The following MYBBP1A variants were observed in gnomAD, a reference collection of about 807,000 sequenced individuals.
MYBBP1A encodes the protein MYB binding protein 1a, also known as myb-binding protein 1A.
In MYBBP1A, 147 loss-of-function variants were observed where a neutral mutation model predicts 136.3. That is an observed-to-expected ratio of 1.08 (90% confidence interval 0.94 to 1.24). The LOEUF (loss-of-function observed/expected upper bound fraction) is 1.24, where lower values mean the gene tolerates loss of function less well. Among genes scored for constraint, MYBBP1A ranks in the 50% most tolerant of loss-of-function variants. The pLI, the probability that MYBBP1A is intolerant of heterozygous loss-of-function variation, is 0.00. For synonymous variants in MYBBP1A, 947 were observed against 735.8 expected (o/e 1.29, Z -4.65); for missense variants, 2,060 against 1,727.4 (o/e 1.19, Z -3.41).
chr17:4,541,828 C>T lies in MYBBP1A; in HGVS notation c.3151G>A (p.Glu1051Lys), dbSNP rs755487165. The change falls in exon 23 of 26, where the codon GAG becomes AAG. Residue 1051 changes from glutamate (E) to lysine (K), a missense_variant. Coordinates refer to ENST00000254718, the MANE Select transcript of MYBBP1A (RefSeq NM_014520.4). ...ACCTGGCCCATCAGCTGCTTCCACT[C>T]GGGGTCCTCAAAGCACGACCTCACC... Reference protein sequence around the residue: ...REVRSCFEDPEWKQLMGQVLA... With the variant: ...REVRSCFEDPKWKQLMGQVLA... 1.5e-5 allele frequency: 24 copies of T among 1,613,992 alleles called. No homozygotes were observed. Among genetic ancestry groups the T allele is most frequent in the Middle Eastern group, 1.6e-4 (1 of 6,084 alleles).
At chr17:4,540,225 TGC>T in intron 25 of MYBBP1A, 121 bp downstream of exon 25, 1 of 1,358,768 alleles carries the variant, frequency 7.4e-7, no homozygotes, top group Admixed American at 2.4e-5. Flanking sequence ...TGCATGTGTG[TGC>T]AGCAGCATGC....
intron 19 of MYBBP1A, among the ~76,000 whole-genome samples, chr17:4,543,576 C>T (rs1163486991): frequency 6.6e-6 from 1 of 152,106 alleles, no homozygotes; most frequent in African/African-American, 2.4e-5. Context: ...GCAGGATGCT[C>T]AACAAACGAC....
rs1224590020 is a variant in MYBBP1A, at chr17:4,542,949, A to G, written c.2856T>C (p.Ala952=). The change falls in exon 20 of 26, where the codon GCT becomes GCC. Residue 952 remains alanine, a synonymous_variant. Coordinates refer to ENST00000254718, the MANE Select transcript of MYBBP1A (RefSeq NM_014520.4). ...CVHETQEKQK[A]GTDPSHMPTG... ...TGGGCATGTGGCTGGGGTCAGTGCC[A>G]GCTTTCTGCTTCTCCTGTGTCTCAT... The G allele has an allele frequency of 6.2e-7, 1 of 1,614,018 alleles. No homozygotes were observed. Among genetic ancestry groups the G allele is most frequent in the East Asian group, 2.2e-5 (1 of 44,874 alleles).
chr17:4,539,202 G>C lies in MYBBP1A; in HGVS notation c.*213C>G, dbSNP rs914727211. The stretch of plus-strand genomic sequence containing the variant: ...CCAGGGTCCCAGCCCAGAACCGGGG[G>C]TGGGGAGGTCTCTGCACCCTGGGAC... On this transcript the variant is annotated 3_prime_UTR_variant, in exon 26 of 26. Transcript: ENST00000254718. The C allele has an allele frequency of 2.1e-6, 3 of 1,453,932 alleles. No homozygotes were observed. The highest frequency in any genetic ancestry group is 2.8e-5 in the Admixed American group (1 of 35,998). 90.1% of individuals were successfully genotyped at this position (1,453,932 alleles called of 1,614,324 possible). A position where few individuals can be genotyped will look rare whatever the true frequency, so the allele number is the denominator to read the frequency against.
In MYBBP1A at chr17:4,542,896, G is replaced by A; in HGVS notation, c.2892+17C>T. 6.2e-7 allele frequency: 1 copy of A among 1,613,154 alleles called. No homozygotes were observed. Among genetic ancestry groups the A allele is most frequent in the Non-Finnish European group, 8.5e-7 (1 of 1,179,624 alleles). On this transcript the variant is annotated intron_variant, in intron 20 of 25. Coordinates refer to ENST00000254718, the MANE Select transcript of MYBBP1A (RefSeq NM_014520.4). ...TGTGAAATGCCTGGGGCTGCTCCTG[G>A]GCCAGGCCCTGCTCACCTGCGGGCC...
chr17:4,541,931 G>T (rs757482800), intron 22 of MYBBP1A, 40 bp from the exon 23 acceptor site: 2 of 1,545,440 alleles, frequency 1.3e-6, no homozygotes, highest in African/African-American at 1.4e-5. Flanking sequence ...GCCTTGGCAC[G>T]TTGGGTGCTC....
At chr17:4,555,007 C>G (rs1871348) in intron 1 of MYBBP1A, 51 bp from the exon 2 acceptor site, 1 of 1,604,260 alleles carries the variant, frequency 6.2e-7, no homozygotes, top group South Asian at 1.1e-5. Context: ...AAGGTGCACG[C>G]CCCCGCGCAC....
chr17:4,540,665 G>GC (rs971413256), intron 24 of MYBBP1A, among the ~76,000 whole-genome samples, 181 bp from the exon 25 acceptor site: 3 of 147,886 alleles, frequency 2.0e-5, no homozygotes, highest in Admixed American at 1.4e-4. Flanking sequence ...GGAAACACGC[G>GC]CCCCAGGTGT....
chr17:4,540,459 A>T lies in MYBBP1A; in HGVS notation c.3323T>A (p.Leu1108His). ...CTGTTGCCCCTGCAGCACACCCAGG[A>T]GCACCGTCAGGTCCAAGGTCAGCTT... ...HEKLTLDLTV[L>H]LGVLQGQQQS... The change falls in exon 25 of 26, where the codon CTC (leucine) becomes CAC (histidine). Residue 1108 changes from leucine to histidine, a missense_variant. Coordinates refer to ENST00000254718, the MANE Select transcript of MYBBP1A (RefSeq NM_014520.4). 1.2e-6 allele frequency: 2 copies of T among 1,610,492 alleles called. No homozygotes were observed. Among genetic ancestry groups the T allele is most frequent in the Non-Finnish European group, 1.7e-6 (2 of 1,179,436 alleles).
At position 4,539,505 on chromosome 17, in the gene MYBBP1A, C is replaced by CT; in HGVS notation, c.3896dup (p.Ala1300GlyfsTer45). On this transcript the variant is annotated frameshift_variant, in exon 26 of 26. Coordinates refer to ENST00000254718, the MANE Select transcript of MYBBP1A (RefSeq NM_014520.4). LOFTEE classifies it low-confidence loss of function (END_TRUNC). ...TCCTGATGACCAAAGACAGCCTTGC[C>CT]TTTTTCCGTGCCAGCGCGGACAGTG... 6.2e-7 allele frequency: 1 copy of CT among 1,614,174 alleles called. No individual in the cohort carries two copies. Among genetic ancestry groups the CT allele is most frequent in the South Asian group, 1.1e-5 (1 of 91,084 alleles).
In MYBBP1A at chr17:4,541,726, C is replaced by A; in HGVS notation, c.3195+58G>T. ...CAATCCTCACTTCTTTCCCAGAGATCGGTCTCCCGGAGAACTGATTCTGAG... is the reference window on the plus strand; with the variant it reads ...CAATCCTCACTTCTTTCCCAGAGATAGGTCTCCCGGAGAACTGATTCTGAG... On this transcript the variant is annotated intron_variant, in intron 23 of 25. Transcript: ENST00000254718. 6 of 1,517,966 alleles carry A rather than the reference C, an allele frequency of 4.0e-6. No homozygotes were observed. In the South Asian group the frequency reaches 6.7e-5, roughly 17 times the overall value. The allele number at this position is 1,517,966 out of a possible 1,614,324, so 94.0% of individuals were successfully genotyped here. A position where few individuals can be genotyped will look rare whatever the true frequency, so the allele number is the denominator to read the frequency against.
At position 4,542,604 on chromosome 17, in the gene MYBBP1A, C is replaced by T; in HGVS notation, c.3018+12G>A. Reference sequence around the variant, plus strand: ...GGGACCATGAGGAAGCAGGGCAGGCCCCAACACTCACCGGGTGCCGGGAGA... The same window carrying T: ...GGGACCATGAGGAAGCAGGGCAGGCTCCAACACTCACCGGGTGCCGGGAGA... On this transcript the variant is annotated intron_variant, in intron 21 of 25. Transcript: ENST00000254718. 2 of 1,613,764 alleles carry T rather than the reference C, an allele frequency of 1.2e-6. No homozygotes were observed. The highest frequency in any genetic ancestry group is 1.7e-6 in the Non-Finnish European group (2 of 1,179,832).
At position 4,544,771 on chromosome 17, in the gene MYBBP1A, G is replaced by A. The variant is rs200763049; in HGVS notation, c.2461C>T (p.Arg821Trp). The change falls in exon 18 of 26, where the codon CGG becomes TGG. Residue 821 changes from arginine (R) to tryptophan (W), a missense_variant. Arg to Trp is a moderately radical substitution (Grantham distance 101, BLOSUM62 -3). Transcript: ENST00000254718. ...CTCACCCGGATCTGGAAGTCGCGCC[G>A]CAGAGCCTTCTCCTTCTGCAGCTTG... ...KNKLQKEKAL[R>W]RDFQIRVLDL... 2.2e-4 allele frequency: 341 copies of A among 1,582,864 alleles called. 1 individual carries two copies. Among genetic ancestry groups the A allele is most frequent in the African/African-American group, 2.8e-4 (21 of 74,110 alleles).
chr17:4,554,250 A>G lies in MYBBP1A; in HGVS notation c.323T>C (p.Leu108Ser), dbSNP rs1193596092. The G allele has an allele frequency of 1.9e-6, 3 of 1,614,008 alleles. No individual in the cohort carries two copies. The highest frequency in any genetic ancestry group is 1.1e-5 in the South Asian group (1 of 91,084). ...TTGTATCTGCTGCAGGATGCTGCAC[A>G]AGGGGAGGTCTTCAAAAGACTGTAA... ...QLLQSFEDLP[L>S]CSILQQIQEK... The change falls in exon 3 of 26, where the codon TTG (leucine) becomes TCG (serine). Residue 108 changes from leucine to serine, a missense_variant. Transcript: ENST00000254718.
In MYBBP1A at chr17:4,541,862, G is replaced by A. The variant is rs768611880; in HGVS notation, c.3117C>T (p.Ser1039=). ...CAAAGCACGACCTCACCTCCCGCAT[G>A]GACAGGGTCTTCTGGAGCAGCAGGC... ...QACLLLQKTL[S]MREVRSCFED... The change falls in exon 23 of 26, where the codon TCC becomes TCT. Residue 1039 remains serine, a synonymous_variant. Transcript: ENST00000254718. The A allele has an allele frequency of 3.1e-6, 5 of 1,613,988 alleles. No individual in the cohort carries two copies. Among genetic ancestry groups the A allele is most frequent in the Admixed American group, 3.3e-5 (2 of 60,030 alleles).
Position 4,543,015 on chromosome 17 carries a change from C to G in MYBBP1A, c.2790G>C (p.Leu930=). 6.2e-7 allele frequency: 1 copy of G among 1,613,952 alleles called. No homozygotes were observed. Among genetic ancestry groups the G allele is most frequent in the Non-Finnish European group, 8.5e-7 (1 of 1,179,990 alleles). The change falls in exon 20 of 26, where the codon CTG becomes CTC. Residue 930 remains leucine, a synonymous_variant. Coordinates refer to ENST00000254718, the MANE Select transcript of MYBBP1A (RefSeq NM_014520.4). ...CAGTGTTGCCCTTCAAGACCCGGAG[C>G]AGGTAGAGAGAGGCGTTGAAGTGGT... The part of the protein sequence containing the change: ...ALYHFNASLY[L]LRVLKGNTAE...
rs372363229 is a variant in MYBBP1A, at chr17:4,539,344, TAAA to T, written c.*68_*70del. 1,501 of 1,398,036 alleles carry T rather than the reference TAAA, an allele frequency of 1.1e-3. 1 individual carries two copies. The highest frequency in any genetic ancestry group is 3.8e-3 in the East Asian group (155 of 40,300). 86.6% of individuals were successfully genotyped at this position (1,398,036 alleles called of 1,614,324 possible). A position where few individuals can be genotyped will look rare whatever the true frequency, so the allele number is the denominator to read the frequency against. On this transcript the variant is annotated 3_prime_UTR_variant, in exon 26 of 26. Transcript: ENST00000254718. ...CAGCTTGCGTATTAAAATCATGGTTTAAAAAAAAAAAAAAAAAATAGGCGTCTC... is the reference window on the plus strand; with the variant it reads ...CAGCTTGCGTATTAAAATCATGGTTTAAAAAAAAAAAAAAATAGGCGTCTC...
At chr17:4,541,602 C>T (rs774110140) in intron 23 of MYBBP1A, 38 bp from the exon 24 acceptor site, 6 of 1,589,576 alleles carry the variant, frequency 3.8e-6, no homozygotes, top group Non-Finnish European at 5.2e-6. Flanking sequence ...CTCCGGAGAG[C>T]TGCTCAAAGC....
chr17:4,547,602 G>C, intron 13 of MYBBP1A: 2 of 230,218 alleles, frequency 8.7e-6, no homozygotes, highest in Non-Finnish European at 8.4e-6. Flanking sequence ...TTCTTGATGG[G>C]AAGAACCGAG....
Sources: allele counts gnomAD v4.1 joint callset (sites outside exome capture counted in the v4.1 genomes callset), GRCh38; gene constraint gnomAD v4.1.1; transcripts MANE v1.5; gene names NCBI Gene and HGNC (gene_info 2026-07-23, HGNC 2026-07-21).